Variants in CCDC148 observed in about 807,000 individuals in gnomAD.
CCDC148 encodes coiled-coil domain-containing protein 148.
CCDC148 carries 89 observed loss-of-function variants against 85.7 expected under a neutral mutation model. That is an observed-to-expected ratio of 1.04 (90% CI 0.87 to 1.24). CCDC148 has a LOEUF of 1.24. Ranked by LOEUF, CCDC148 falls within the 50% of genes most tolerant of loss-of-function variation. The probability of loss-of-function intolerance (pLI) is 0.00; values close to 1 mark genes in which losing one functional copy is unlikely to be tolerated. For missense variants in CCDC148, 692 were observed against 671.7 expected (o/e 1.03, Z -0.33); for synonymous variants, 230 against 213.9 (o/e 1.08, Z -0.66).
At chr2:158,380,985 T>C (rs951549699) in intron 1 of CCDC148, 2 of 152,050 alleles carry the variant, frequency 1.3e-5, no homozygotes, top group African/African-American at 4.8e-5. Flanking sequence ...GTACTGCAGA[T>C]CTAAATGTGA....
intron 9 of CCDC148, among the ~76,000 whole-genome samples, chr2:158,260,489 A>G (rs1689174816): frequency 6.6e-6 from 1 of 152,070 alleles, no homozygotes; most frequent in Non-Finnish European, 1.5e-5. Context: ...ACTATGCAAC[A>G]TAGTATTAGA....
chr2:158,288,687 G>C (rs1489214052), intron 9 of CCDC148: 3 of 268,654 alleles, frequency 1.1e-5, no homozygotes, highest in Non-Finnish European at 2.2e-5. Context: ...GTCTTCTTCT[G>C]AGCCTTCCAC....
At chr2:158,357,043 G>C (rs1490002979) in intron 2 of CCDC148, among the ~76,000 whole-genome samples, 2 of 146,888 alleles carry the variant, frequency 1.4e-5, no homozygotes, top group Non-Finnish European at 3.0e-5. Context: ...AGATCACATG[G>C]ACACAGGAAC....
In CCDC148 at chr2:158,176,656, A is replaced by G; in HGVS notation, c.1494T>C (p.Ala498=). 6.2e-7 allele frequency: 1 copy of G among 1,611,796 alleles called. No homozygotes were observed. Among genetic ancestry groups the G allele is most frequent in the South Asian group, 1.1e-5 (1 of 90,938 alleles). The part of the protein sequence containing the change: ...RRLEALRKQV[A]VVAQFDPVRM... ...TAACAGGATCAAATTGAGCAACAAC[A>G]GCAACCTAAAAATGAGAAAGCATGG... is the stretch of plus-strand genomic sequence containing the variant. The change falls in exon 13 of 14, where the codon GCT becomes GCC. Residue 498 remains alanine (A), a synonymous_variant. Transcript: ENST00000283233.
intron 1 of CCDC148, among the ~76,000 whole-genome samples, chr2:158,435,889 C>T (rs937256326): frequency 2.6e-5 from 4 of 152,180 alleles, no homozygotes; most frequent in Admixed American, 6.5e-5. Flanking sequence ...AAGGCCAATA[C>T]ATAATGGTAA....
chr2:158,265,236 T>G (rs1559028192), intron 9 of CCDC148, among the ~76,000 whole-genome samples: 1 of 152,160 alleles, frequency 6.6e-6, no homozygotes, highest in Non-Finnish European at 1.5e-5. Context: ...TATGTTCTAT[T>G]GAACATTTCC....
intron 13 of CCDC148, among the ~76,000 whole-genome samples, chr2:158,173,368 C>T (rs939911951): frequency 2.6e-5 from 4 of 152,022 alleles, no homozygotes; most frequent in African/African-American, 9.7e-5. Context: ...CTTGCATGGC[C>T]ATGCCGAGTC....
rs768127577 is a variant in CCDC148 at position 158,358,483 on chromosome 2, G to A, written c.113C>T (p.Ala38Val). ...DYQQLRALTEAKKLASASAKL... is the reference protein window; with the variant it reads ...DYQQLRALTEVKKLASASAKL... ...TGCAGAGGCAGAAGCCAATTTCTTTGCTTCAGTTAATGCACGCAATTGTTG... is the reference window on the plus strand; with the variant it reads ...TGCAGAGGCAGAAGCCAATTTCTTTACTTCAGTTAATGCACGCAATTGTTG... The change falls in exon 2 of 14, where the codon GCA (alanine) becomes GTA (valine). Residue 38 changes from alanine (A) to valine (V), a missense_variant. Coordinates refer to ENST00000283233, the MANE Select transcript of CCDC148 (RefSeq NM_138803.4). 8 of 1,606,916 alleles carry A rather than the reference G, an allele frequency of 5.0e-6. No homozygotes were observed. The highest frequency in any genetic ancestry group is 2.2e-5 in the South Asian group (2 of 89,936).
intron 1 of CCDC148, among the ~76,000 whole-genome samples, chr2:158,379,968 G>A (rs1198063018): frequency 1.3e-5 from 2 of 152,010 alleles, no homozygotes; most frequent in African/African-American, 2.4e-5. Flanking sequence ...TTCTCTTTGT[G>A]TTTGAGATGG....
chr2:158,198,730 G>T lies in CCDC148; in HGVS notation c.1371-19734C>A, dbSNP rs1326613158. Among the ~76,000 whole-genome samples, 3 of 152,150 alleles carry T rather than the reference G, an allele frequency of 2.0e-5. No individual in the cohort carries two copies. The East Asian group carries it at 5.8e-4, about 29-fold the overall frequency. ...TCCTATAAGCACAGTTTGTAGGATA[G>T]AAAAATCAGAAACAGTGAACTGAGT... On this transcript the variant is annotated intron_variant, in intron 11 of 13. Coordinates refer to ENST00000283233, the MANE Select transcript of CCDC148 (RefSeq NM_138803.4).
intron 1 of CCDC148, among the ~76,000 whole-genome samples, chr2:158,438,986 G>C (rs1687803481): frequency 6.6e-6 from 1 of 152,216 alleles, no homozygotes; most frequent in South Asian, 2.1e-4. Flanking sequence ...ACAGGTGTTG[G>C]AGAGGATGTG....
chr2:158,332,753 A>G (rs778347929), intron 7 of CCDC148, among the ~76,000 whole-genome samples: 4 of 152,194 alleles, frequency 2.6e-5, no homozygotes, highest in Admixed American at 2.0e-4. Flanking sequence ...TTCCTGGTTT[A>G]GACTTCAGAG....
intron 1 of CCDC148, among the ~76,000 whole-genome samples, chr2:158,363,232 G>C (rs1041517564): frequency 1.3e-5 from 2 of 152,088 alleles, no homozygotes; most frequent in East Asian, 3.9e-4. Flanking sequence ...TTCTATCAGA[G>C]GTACAAAGAG....
chr2:158,220,496 G>A (rs949267754), intron 11 of CCDC148, 99 bp downstream of exon 11: 38 of 744,242 alleles, frequency 5.1e-5, no homozygotes, highest in Middle Eastern at 4.8e-4. Flanking sequence ...GATACATTAA[G>A]TATAGAAAAA....
rs1682943060 is a variant in CCDC148 at position 158,345,326 on chromosome 2, T to C, written c.148-8A>G. On this transcript the variant is annotated splice_polypyrimidine_tract_variant and splice_region_variant and intron_variant, in intron 2 of 13. Transcript: ENST00000283233. Reference sequence around the variant, plus strand: ...CAACATTGCTTTTCTGATCTAGATTTAGAGGAACAAAAGAGGAGCAACTTC... The same window carrying C: ...CAACATTGCTTTTCTGATCTAGATTCAGAGGAACAAAAGAGGAGCAACTTC... The C allele has an allele frequency of 2.5e-6, 4 of 1,598,310 alleles. No individual in the cohort carries two copies. Among genetic ancestry groups the C allele is most frequent in the Non-Finnish European group, 3.4e-6 (4 of 1,168,346 alleles).
Position 158,220,588 on chromosome 2 carries a change from C to T in CCDC148, c.1370+7G>A, listed in dbSNP as rs369631076. 1 of 1,593,212 alleles carries T rather than the reference C, an allele frequency of 6.3e-7. No individual in the cohort carries two copies. The highest frequency in any genetic ancestry group is 8.6e-7 in the Non-Finnish European group (1 of 1,167,258). On this transcript the variant is annotated splice_region_variant and intron_variant, in intron 11 of 13. Transcript: ENST00000283233. ...CCATTACCACACAATTTTAAATTTT[C>T]TTTTACCTTTCTCTGTCTTTTAGTG... is the stretch of plus-strand genomic sequence containing the variant.
At chr2:158,244,823 C>T (rs1355462040) in intron 10 of CCDC148, among the ~76,000 whole-genome samples, 2 of 152,076 alleles carry the variant, frequency 1.3e-5, no homozygotes, top group Non-Finnish European at 2.9e-5. Context: ...GATCCTATAG[C>T]CCACCTTAGA....
At chr2:158,293,953 T>TCTTCCTTCCTTCCTTCCTTC (rs1559049494) in intron 9 of CCDC148, among the ~76,000 whole-genome samples, 3 of 13,536 alleles carry the variant, frequency 2.2e-4, no homozygotes, top group Non-Finnish European at 1.4e-4. Flanking sequence ...TTCCTTCCCC[T>TCTTCCTTCCTTCCTTCCTTC]CTCCCTCCCT....
intron 9 of CCDC148, among the ~76,000 whole-genome samples, chr2:158,275,029 T>C (rs1440487866): frequency 6.6e-6 from 1 of 152,210 alleles, no homozygotes; most frequent in Non-Finnish European, 1.5e-5. Flanking sequence ...CACTTTGCCT[T>C]GGCAGGAGTG....
Sources: gnomAD v4.1 joint callset for allele counts (sites outside exome capture counted in the v4.1 genomes callset) on GRCh38, gnomAD v4.1.1 for gene constraint, MANE v1.5 for transcripts, NCBI Gene and HGNC (gene_info 2026-07-23, HGNC 2026-07-21) for gene names.